The following ATP10B variants were observed in gnomAD, a reference collection of about 807,000 sequenced individuals.
ATP10B encodes the protein ATPase phospholipid transporting 10B (putative).
ATP10B carries 122 observed loss-of-function variants against 141.2 expected under a neutral mutation model. The observed-to-expected ratio is 0.86, with a 90% CI of 0.75 to 1.00. The LOEUF (loss-of-function observed/expected upper bound fraction) is 1.00. ATP10B is among the 50% of genes least tolerant of loss of function. ATP10B has a pLI of 0.00. For synonymous variants in ATP10B, 685 were observed against 692.0 expected (o/e 0.99, Z 0.16); for missense variants, 1,876 against 1,825.3 (o/e 1.03, Z -0.51).
At chr5:160,724,782 T>C (rs897510399) in intron 2 of ATP10B, among the ~76,000 whole-genome samples, 5 of 152,242 alleles carry the variant, frequency 3.3e-5, no homozygotes, top group African/African-American at 7.2e-5. Context: ...CTCTGTTTCT[T>C]GCTCTTTTTA....
the ATP10B span, among the ~76,000 whole-genome samples, chr5:160,896,343 A>C: frequency 6.6e-6 from 1 of 152,196 alleles, no homozygotes; most frequent in Non-Finnish European, 1.5e-5. Flanking sequence ...TATACACAAT[A>C]AAAAATGATA....
intron 13 of ATP10B, among the ~76,000 whole-genome samples, chr5:160,626,418 T>A (rs1758616135): frequency 6.6e-6 from 1 of 152,186 alleles, no homozygotes; most frequent in South Asian, 2.1e-4. Flanking sequence ...TCACATCCAT[T>A]ATCTAATCAT....
chr5:160,807,220 T>C lies in ATP10B; in HGVS notation c.-575-21417A>G, dbSNP rs142609150. 1.8e-4 allele frequency among the ~76,000 whole-genome samples: 28 copies of C among 152,338 alleles called. No individual in the cohort carries two copies. In the East Asian group the frequency reaches 5.4e-3, roughly 29 times the overall value. ...TAAAATTTACATGTATGTTTATAAA[T>C]GCATGAAGTTTGCTGGTAAGAGTGA... On this transcript the variant is annotated intron_variant, in intron 1 of 25. Coordinates refer to ENST00000327245, the MANE Select transcript of ATP10B (RefSeq NM_025153.3).
At chr5:160,728,978 G>T (rs1477018628) in intron 2 of ATP10B, among the ~76,000 whole-genome samples, 1 of 152,194 alleles carries the variant, frequency 6.6e-6, no homozygotes, top group Non-Finnish European at 1.5e-5. Context: ...CAAGGGGAGG[G>T]TCTGGACATG....
intron 1 of ATP10B, among the ~76,000 whole-genome samples, chr5:160,791,194 CTTGAT>C (rs758267959): frequency 6.6e-6 from 1 of 152,154 alleles, no homozygotes; most frequent in Non-Finnish European, 1.5e-5. Context: ...TTGCCAACAT[CTTGAT>C]TTTAGTCTAG....
intron 1 of ATP10B, among the ~76,000 whole-genome samples, chr5:160,814,927 G>A (rs986877259): frequency 6.6e-6 from 1 of 152,082 alleles, no homozygotes; most frequent in Non-Finnish European, 1.5e-5. Flanking sequence ...TTACAGAGAA[G>A]CAAATGCTGA....
chr5:160,874,654 T>C, the ATP10B span, among the ~76,000 whole-genome samples: 54 of 152,010 alleles, frequency 3.6e-4, no homozygotes, highest in Middle Eastern at 3.2e-3. Flanking sequence ...TAGAAGAATG[T>C]ATAACTAGAA....
At chr5:160,906,501 C>T in the ATP10B span, among the ~76,000 whole-genome samples, 7 of 152,100 alleles carry the variant, frequency 4.6e-5, no homozygotes, top group Non-Finnish European at 7.4e-5. Context: ...GTTTTGTTTC[C>T]TCTCACCTCT....
chr5:160,591,992 T>C (rs1756331200), intron 22 of ATP10B, among the ~76,000 whole-genome samples: 1 of 152,160 alleles, frequency 6.6e-6, no homozygotes. Context: ...TGCAAGACAC[T>C]CTCTGGCATT....
chr5:160,728,724 T>A (rs67568068), intron 2 of ATP10B, among the ~76,000 whole-genome samples: 1 of 152,004 alleles, frequency 6.6e-6, no homozygotes, highest in Admixed American at 6.5e-5. Flanking sequence ...GACATGCAAT[T>A]GTTGTCAGAC....
chr5:160,670,632 T>A lies in ATP10B; in HGVS notation c.506A>T (p.Asp169Val). 2.5e-6 allele frequency: 4 copies of A among 1,613,752 alleles called. No homozygotes were observed. Among genetic ancestry groups the A allele is most frequent in the Non-Finnish European group, 3.4e-6 (4 of 1,179,814 alleles). Reference protein sequence around the residue: ...EQTYVQKCWKDVRVGDFIQMK... With the variant: ...EQTYVQKCWKVVRVGDFIQMK... ...TTGGATGAAGTCTCCCACGCGCACATCCTTCCAGCACTTCTGCACATAGGT... is the reference window on the plus strand; with the variant it reads ...TTGGATGAAGTCTCCCACGCGCACAACCTTCCAGCACTTCTGCACATAGGT... The change falls in exon 7 of 26, where the codon GAT becomes GTT. Residue 169 changes from aspartate to valine, a missense_variant. Asp to Val is a radical substitution (Grantham distance 152, BLOSUM62 -3). Transcript: ENST00000327245.
intron 2 of ATP10B, among the ~76,000 whole-genome samples, chr5:160,723,325 A>T (rs1232069131): frequency 6.6e-6 from 1 of 152,254 alleles, no homozygotes; most frequent in Non-Finnish European, 1.5e-5. Flanking sequence ...GAGGAGATAT[A>T]TAAAGAAAAA....
chr5:160,643,502 G>A (rs1760033870), intron 9 of ATP10B, among the ~76,000 whole-genome samples: 1 of 152,142 alleles, frequency 6.6e-6, no homozygotes, highest in South Asian at 2.1e-4. Flanking sequence ...CTCCAAGATT[G>A]CCCTCCAAGA....
At position 160,724,045 on chromosome 5, in the gene ATP10B, G is replaced by A. The variant is rs558782344; in HGVS notation, c.-330-7011C>T. On this transcript the variant is annotated intron_variant, in intron 2 of 25. Coordinates refer to ENST00000327245, the MANE Select transcript of ATP10B (RefSeq NM_025153.3). ...GGAACAGAAAACCAAATCACTGCAT[G>A]TTCTCATTTGTAAGTGGGAACTAAA... 1.5e-3 allele frequency among the ~76,000 whole-genome samples: 228 copies of A among 152,228 alleles called. 3 individuals carry two copies. The highest frequency in any genetic ancestry group is 0.01 in the Middle Eastern group (3 of 294).
intron 1 of ATP10B, among the ~76,000 whole-genome samples, chr5:160,835,004 C>T (rs1264532840): frequency 6.6e-6 from 1 of 152,032 alleles, no homozygotes; most frequent in Non-Finnish European, 1.5e-5. Context: ...ACTGAGAATT[C>T]AGGTTTTTCT....
chr5:160,797,048 G>A (rs548557483), intron 1 of ATP10B, among the ~76,000 whole-genome samples: 2 of 152,258 alleles, frequency 1.3e-5, no homozygotes, highest in African/African-American at 4.8e-5. Flanking sequence ...AGGGTGGACA[G>A]CAAAATCTCC....
chr5:160,857,948 ATGGCAC>A, the ATP10B span, among the ~76,000 whole-genome samples: 2 of 151,798 alleles, frequency 1.3e-5, no homozygotes, highest in African/African-American at 4.8e-5. Context: ...TATTTGTTTG[ATGGCAC>A]TTAAAGAGAA....
At chr5:160,790,900 G>T (rs139013171) in intron 1 of ATP10B, among the ~76,000 whole-genome samples, 11 of 152,250 alleles carry the variant, frequency 7.2e-5, no homozygotes, top group African/African-American at 2.6e-4. Context: ...GGTGAAAGAG[G>T]CAGGCAGAAG....
At chr5:160,584,755 C>T (rs192946533) in intron 24 of ATP10B, among the ~76,000 whole-genome samples, 9 of 151,970 alleles carry the variant, frequency 5.9e-5, no homozygotes, top group African/African-American at 1.9e-4. Context: ...AAGTATGTTC[C>T]TTTTTTTGTG....
Sources: gnomAD v4.1 joint callset for allele counts (sites outside exome capture counted in the v4.1 genomes callset) on GRCh38, gnomAD v4.1.1 for gene constraint, MANE v1.5 for transcripts, NCBI Gene and HGNC (gene_info 2026-07-23, HGNC 2026-07-21) for gene names.